Variants in SCN8A observed in about 807,000 individuals in gnomAD.
The protein encoded by SCN8A is sodium voltage-gated channel alpha subunit 8.
In SCN8A, 30 loss-of-function variants were observed where a neutral mutation model predicts 184.1. The ratio of observed to expected loss-of-function variants is 0.16; its 90% confidence interval spans 0.12 to 0.22. The LOEUF (loss-of-function observed/expected upper bound fraction) is 0.22, where lower values mean the gene tolerates loss of function less well. Among genes scored for constraint, SCN8A ranks in the 10% least tolerant of loss-of-function variants. The pLI is 1.00. For missense variants in SCN8A, 1,057 were observed against 2,498.9 expected (o/e 0.42, Z 12.30); for synonymous variants, 852 against 907.0 (o/e 0.94, Z 1.09).
At position 51,705,831 on chromosome 12, in the gene SCN8A, T is replaced by C. The variant is rs75757324; in HGVS notation, c.1341+208T>C. On this transcript the variant is annotated intron_variant, in intron 10 of 26. Coordinates refer to ENST00000627620, the MANE Select transcript of SCN8A (RefSeq NM_001330260.2). ...CCAAATTGTTTGTTCATATCATCTT[T>C]TGTTGAATTGCTCAACTGTTCAGTG... Among the ~76,000 whole-genome samples the C allele has an allele frequency of 0.017, 2,635 of 152,326 alleles. 68 individuals carry two copies. Among genetic ancestry groups the C allele is most frequent in the African/African-American group, 0.06 (2,483 of 41,558 alleles).
In SCN8A at chr12:51,806,153, A is replaced by C; in HGVS notation, c.4796-129A>C. The stretch of plus-strand genomic sequence containing the variant: ...AAAATGTCACTTTTTGAGAGTTCAG[A>C]CTGAATAGTAAGGCACTTATTCTGC... On this transcript the variant is annotated intron_variant, in intron 26 of 26. Coordinates refer to ENST00000627620, the MANE Select transcript of SCN8A (RefSeq NM_001330260.2). The surrounding 1 kb of genome is among the most constrained non-coding windows in gnomAD (Gnocchi z 8.7). 1 of 857,148 alleles carries C rather than the reference A, an allele frequency of 1.2e-6. No homozygotes were observed. Among genetic ancestry groups the C allele is most frequent in the Non-Finnish European group, 1.7e-6 (1 of 579,280 alleles). The allele number at this position is 857,148 out of a possible 1,614,324, so 53.1% of individuals were successfully genotyped here.
chr12:51,651,183 C>T (rs111976890), intron 1 of SCN8A, among the ~76,000 whole-genome samples: 125 of 152,282 alleles, frequency 8.2e-4, no homozygotes, highest in African/African-American at 2.8e-3. Context: ...CCATCATAAA[C>T]ATCTCACAGT....
chr12:51,806,815 G>A lies in SCN8A; in HGVS notation c.5329G>A (p.Ala1777Thr), dbSNP rs781149870. 6.2e-7 allele frequency: 1 copy of A among 1,614,198 alleles called. No homozygotes were observed. The highest frequency in any genetic ancestry group is 1.7e-5 in the Admixed American group (1 of 60,024). Residue 1777 changes from alanine (A) to threonine (T), a missense_variant, in exon 27 of 27, where the codon GCA (alanine) becomes ACA (threonine). Ala to Thr is a moderately conservative substitution (Grantham distance 58, BLOSUM62 0). This residue lies in a region of SCN8A where 50 missense variants were observed against 125.8 expected (regional missense o/e 0.40). Transcript: ENST00000627620. The surrounding 1 kb of genome is among the most constrained non-coding windows in gnomAD (Gnocchi z 8.7). ...CTTCAGTGTAGCCACAGAGGAAAGT[G>A]CAGACCCTCTGAGTGAGGATGACTT... is the stretch of plus-strand genomic sequence containing the variant. ...ENFSVATEES[A>T]DPLSEDDFET...
chr12:51,591,952 T>C (rs1939230966), intron 1 of SCN8A, among the ~76,000 whole-genome samples: 1 of 148,466 alleles, frequency 6.7e-6, no homozygotes, highest in South Asian at 2.2e-4. Context: ...CAGGGTGCTC[T>C]GGAGTTGTGA....
chr12:51,683,788 C>T (rs1941374628), intron 2 of SCN8A, among the ~76,000 whole-genome samples: 1 of 152,172 alleles, frequency 6.6e-6, no homozygotes, highest in African/African-American at 2.4e-5. Flanking sequence ...TGACCATTCC[C>T]AAGCACCTAG....
intron 1 of SCN8A, among the ~76,000 whole-genome samples, chr12:51,654,121 T>C (rs1287099581): frequency 6.6e-6 from 1 of 152,204 alleles, no homozygotes; most frequent in Non-Finnish European, 1.5e-5. Context: ...TTTGCAAATA[T>C]TTTCTCTCAT....
At position 51,790,415 on chromosome 12, in the gene SCN8A, C is replaced by A; in HGVS notation, c.4437C>A (p.Ile1479=). ...QQKKKFGGQD[I]FMTEEQKKYY... is the part of the protein sequence containing the mutation. ...TCCTTTACTTCGGAGGTCAGGACAT[C>A]TTCATGACCGAAGAACAGAAGAAGT... Residue 1479 remains isoleucine (I), a synonymous_variant, in exon 25 of 27, where the codon ATC becomes ATA. Coordinates refer to ENST00000627620, the MANE Select transcript of SCN8A (RefSeq NM_001330260.2). The A allele has an allele frequency of 6.2e-7, 1 of 1,608,446 alleles. No individual in the cohort carries two copies. The highest frequency in any genetic ancestry group is 1.7e-5 in the Admixed American group (1 of 58,586).
chr12:51,724,994 G>A (rs1485204372), intron 12 of SCN8A, among the ~76,000 whole-genome samples: 2 of 152,078 alleles, frequency 1.3e-5, no homozygotes, highest in East Asian at 3.9e-4. Flanking sequence ...GGTTTTGGGG[G>A]ATCTACATAC....
chr12:51,799,753 C>G (rs1203358019), intron 26 of SCN8A, among the ~76,000 whole-genome samples: 1 of 152,188 alleles, frequency 6.6e-6, no homozygotes, highest in Non-Finnish European at 1.5e-5. Context: ...GAATGTGTTG[C>G]CCCCAAAATC....
intron 12 of SCN8A, among the ~76,000 whole-genome samples, chr12:51,744,993 T>C (rs1942487085): frequency 1.3e-5 from 2 of 152,154 alleles, no homozygotes; most frequent in Non-Finnish European, 1.5e-5. Flanking sequence ...CAAGTCTACA[T>C]GGGTGATATG....
intron 1 of SCN8A, among the ~76,000 whole-genome samples, chr12:51,654,798 C>T (rs541534295): frequency 6.6e-6 from 1 of 152,280 alleles, no homozygotes; most frequent in South Asian, 2.1e-4. Context: ...AAGTGTGAGC[C>T]ACTGCACCCA....
At chr12:51,762,741 C>T in intron 15 of SCN8A, 65 bp downstream of exon 15, 1 of 1,354,166 alleles carries the variant, frequency 7.4e-7, no homozygotes, top group Non-Finnish European at 9.9e-7. Context: ...AAGAGTTCTG[C>T]ATAAATTAAT....
At chr12:51,785,409 A>G (rs1422351937) in intron 21 of SCN8A, among the ~76,000 whole-genome samples, 1 of 152,250 alleles carries the variant, frequency 6.6e-6, no homozygotes, top group Non-Finnish European at 1.5e-5. Context: ...TTGGAGAAAC[A>G]CAAAATGAAT....
chr12:51,657,478 A>T lies in SCN8A; in HGVS notation c.-54-5286A>T, dbSNP rs1565876485. ...CATTTGCCTATGTTTTAATTGAATT[A>T]TTTAGTCTTTTGCTGTTGTTTGAGT... On this transcript the variant is annotated intron_variant, in intron 1 of 26. Transcript: ENST00000627620. Among the ~76,000 whole-genome samples the T allele has an allele frequency of 3.3e-5, 5 of 151,886 alleles. No individual in the cohort carries two copies. In the South Asian group the frequency reaches 1.0e-3, roughly 31 times the overall value.
chr12:51,598,122 ATAAT>A (rs1939388138), intron 1 of SCN8A, among the ~76,000 whole-genome samples: 2 of 152,174 alleles, frequency 1.3e-5, no homozygotes, highest in Non-Finnish European at 2.9e-5. Flanking sequence ...TGTCTTGAAG[ATAAT>A]TAGTCATTTT....
In SCN8A at chr12:51,710,520, G is replaced by A. The variant is rs551245675; in HGVS notation, c.1635+3805G>A. On this transcript the variant is annotated intron_variant, in intron 11 of 26. Coordinates refer to ENST00000627620, the MANE Select transcript of SCN8A (RefSeq NM_001330260.2). ...GTCTCTACCAAAAAATTGGCCAGGC[G>A]TGGTGGCCCATGCCTGTAGTCCCAG... is the stretch of plus-strand genomic sequence containing the variant. Among the ~76,000 whole-genome samples, 4 of 152,208 alleles carry A rather than the reference G, an allele frequency of 2.6e-5. No individual in the cohort carries two copies. In the East Asian group the frequency reaches 5.8e-4, roughly 22 times the overall value.
chr12:51,670,352 A>G (rs1941109861), intron 2 of SCN8A, among the ~76,000 whole-genome samples: 2 of 152,222 alleles, frequency 1.3e-5, no homozygotes, highest in South Asian at 2.1e-4. Context: ...TAAGGTCTCA[A>G]TTCCTCCAAT....
At chr12:51,678,365 C>G (rs533851304) in intron 2 of SCN8A, among the ~76,000 whole-genome samples, 1 of 152,286 alleles carries the variant, frequency 6.6e-6, no homozygotes, top group South Asian at 2.1e-4. Flanking sequence ...CATAAGGAAG[C>G]AGAATAACTA....
At chr12:51,705,231 G>T (rs1941762825) in intron 9 of SCN8A, among the ~76,000 whole-genome samples, 186 bp from the exon 10 acceptor site, 1 of 152,166 alleles carries the variant, frequency 6.6e-6, no homozygotes, top group Non-Finnish European at 1.5e-5. Context: ...AATATGAGTT[G>T]AGGATAAGTG....
Sources: gnomAD v4.1 joint callset for allele counts (sites outside exome capture counted in the v4.1 genomes callset) on GRCh38, gnomAD v4.1.1 for gene constraint, gnomAD v4.1.1 regional missense constraint, Gnocchi (gnomAD v3.1) non-coding constraint, MANE v1.5 for transcripts, NCBI Gene and HGNC (gene_info 2026-07-23, HGNC 2026-07-21) for gene names.